The following GLRA2 variants were observed in gnomAD, a reference collection of about 807,000 sequenced individuals.
GLRA2 encodes the protein glycine receptor subunit alpha-2.
GLRA2 carries 11 observed loss-of-function variants against 31.6 expected under a neutral mutation model. The observed-to-expected ratio is 0.35, with a 90% CI of 0.22 to 0.58. GLRA2 has a LOEUF of 0.58. Among genes scored for constraint, GLRA2 ranks in the 20% least tolerant of loss-of-function variants. GLRA2 has a pLI of 0.84. For missense variants in GLRA2, 212 were observed against 351.8 expected (o/e 0.60, Z 3.18); for synonymous variants, 132 against 134.0 (o/e 0.99, Z 0.10).
intron 2 of GLRA2, among the ~76,000 whole-genome samples, chrX:14,557,183 T>C (rs1407396968): frequency 1.2e-5 from 1 of 85,715 alleles, no homozygotes; most frequent in Non-Finnish European, 2.2e-5. Flanking sequence ...TGGCGCGATC[T>C]CGGCTCACTG....
At chrX:14,707,756 AG>A (rs1278663561) in intron 8 of GLRA2, among the ~76,000 whole-genome samples, 1 of 58,831 alleles carries the variant, frequency 1.7e-5, no homozygotes, top group Non-Finnish European at 3.3e-5. Context: ...ACAGCAAAAA[AG>A]GTGTGTGTGT....
intron 8 of GLRA2, among the ~76,000 whole-genome samples, chrX:14,721,139 AT>A (rs1346022926): frequency 9.4e-6 from 1 of 106,839 alleles, no homozygotes; most frequent in Non-Finnish European, 1.9e-5. Flanking sequence ...AAAAAAAAAA[AT>A]ACTGTTGGGG....
At chrX:14,627,609 C>A (rs1012686507) in intron 7 of GLRA2, among the ~76,000 whole-genome samples, 3 of 111,294 alleles carry the variant, frequency 2.7e-5, no homozygotes, top group Non-Finnish European at 5.7e-5. Flanking sequence ...CACAGTAAAT[C>A]CTCCATCTAG....
the GLRA2 span, among the ~76,000 whole-genome samples, chrX:14,509,737 A>G: frequency 2.7e-5 from 3 of 112,516 alleles, no homozygotes; most frequent in Admixed American, 2.8e-4. Flanking sequence ...GCTCCTAACT[A>G]GTGTCTCTTC....
At chrX:14,685,203 C>T (rs1260717831) in intron 7 of GLRA2, among the ~76,000 whole-genome samples, 1 of 111,500 alleles carries the variant, frequency 9.0e-6, no homozygotes, top group Non-Finnish European at 1.9e-5. Flanking sequence ...TGATGTGCTG[C>T]TGGATTCGGT....
At chrX:14,479,784 C>T in the GLRA2 span, among the ~76,000 whole-genome samples, 1 of 111,321 alleles carries the variant, frequency 9.0e-6, no homozygotes, top group Non-Finnish European at 1.9e-5. Context: ...TTGATGGGAA[C>T]CTAGGTTGAT....
chrX:14,577,695 C>A (rs1309130357), intron 3 of GLRA2, among the ~76,000 whole-genome samples: 1 of 111,191 alleles, frequency 9.0e-6, no homozygotes, highest in Admixed American at 9.6e-5. Context: ...ACCCTTACGA[C>A]CTCATCACCA....
chrX:14,680,505 A>C (rs1010795038), intron 7 of GLRA2, among the ~76,000 whole-genome samples: 4 of 112,227 alleles, frequency 3.6e-5, no homozygotes, highest in Non-Finnish European at 5.6e-5. Flanking sequence ...AGAATCATAA[A>C]AATAATGTAA....
the GLRA2 span, among the ~76,000 whole-genome samples, chrX:14,471,522 T>C: frequency 5.3e-5 from 6 of 112,283 alleles, no homozygotes; most frequent in Admixed American, 9.4e-5. Context: ...GGTAGGCTAT[T>C]ACTACTAATA....
chrX:14,708,949 A>G (rs1474902256), intron 8 of GLRA2, among the ~76,000 whole-genome samples: 1 of 109,328 alleles, frequency 9.1e-6, no homozygotes, highest in Non-Finnish European at 1.9e-5. Flanking sequence ...CACAAAAAGA[A>G]AAAAAAAAGA....
the GLRA2 span, among the ~76,000 whole-genome samples, chrX:14,510,505 C>G: frequency 9.0e-6 from 1 of 110,787 alleles, no homozygotes; most frequent in African/African-American, 3.3e-5. Flanking sequence ...TCTGGAGGGA[C>G]AAAGGGGGAA....
intron 7 of GLRA2, among the ~76,000 whole-genome samples, chrX:14,624,132 T>A (rs775164970): frequency 1.8e-5 from 2 of 112,152 alleles, no homozygotes; most frequent in South Asian, 7.4e-4. Context: ...CTAGTTTATT[T>A]GTGTAGAGGT....
chrX:14,580,490 CCAAATGG>C (rs1236425298), intron 3 of GLRA2, among the ~76,000 whole-genome samples: 46 of 111,783 alleles, frequency 4.1e-4, no homozygotes, highest in Non-Finnish European at 6.4e-4. Context: ...AATTCCCAGA[CCAAATGG>C]GAATGCCAGG....
intron 8 of GLRA2, among the ~76,000 whole-genome samples, chrX:14,729,210 T>C (rs1190823983): frequency 3.6e-5 from 4 of 112,189 alleles, no homozygotes; most frequent in Non-Finnish European, 7.5e-5. Context: ...TATTATTATC[T>C]GGCAAGATAA....
At chrX:14,486,737 G>A in the GLRA2 span, among the ~76,000 whole-genome samples, 25 of 111,862 alleles carry the variant, frequency 2.2e-4, no homozygotes, top group African/African-American at 7.8e-4. Context: ...AACTGTGAGT[G>A]AGTGTATAAA....
chrX:14,683,127 C>G, intron 7 of GLRA2, among the ~76,000 whole-genome samples: 1 of 112,141 alleles, frequency 8.9e-6, no homozygotes, highest in East Asian at 2.8e-4. Context: ...AATCGCCACA[C>G]TGTCTTCCAC....
At chrX:14,581,656 T>A (rs2090017363) in intron 4 of GLRA2, among the ~76,000 whole-genome samples, 1 of 110,943 alleles carries the variant, frequency 9.0e-6, no homozygotes, top group Non-Finnish European at 1.9e-5. Context: ...CACAAATGTG[T>A]TCCTGATTGC....
upstream of GLRA2, among the ~76,000 whole-genome samples, chrX:14,525,008 A>C (rs1220486148): frequency 2.7e-5 from 3 of 111,298 alleles, no homozygotes; most frequent in African/African-American, 9.8e-5. Context: ...AAATATATAG[A>C]TATCAATTAT....
At chrX:14,535,813 T>C (rs895760411) in intron 2 of GLRA2, among the ~76,000 whole-genome samples, 1 of 112,630 alleles carries the variant, frequency 8.9e-6, no homozygotes, top group Non-Finnish European at 1.9e-5. Context: ...GTCAGTATTA[T>C]TGTATCTTGA....
Sources: gnomAD v4.1 joint callset for allele counts (sites outside exome capture counted in the v4.1 genomes callset) on GRCh38, gnomAD v4.1.1 for gene constraint, MANE v1.5 for transcripts, NCBI Gene and HGNC (gene_info 2026-07-23, HGNC 2026-07-21) for gene names.